The following NPHP1 variants were observed in gnomAD, a reference collection of about 807,000 sequenced individuals.
NPHP1 encodes the protein nephrocystin 1.
A neutral mutation model predicts 90.4 loss-of-function variants in NPHP1; 70 were observed. That is an observed-to-expected ratio of 0.77 (90% CI 0.64 to 0.95). NPHP1 has a LOEUF of 0.95. Ranked by LOEUF, NPHP1 falls within the 40% of genes least tolerant of loss-of-function variation. The pLI, the probability that NPHP1 is intolerant of heterozygous loss-of-function variation, is 0.00. For synonymous variants in NPHP1, 256 were observed against 271.7 expected, an observed-to-expected ratio of 0.94 and a Z score of 0.57; for missense variants, 764 against 795.9, an observed-to-expected ratio of 0.96 and a Z score of 0.48.
In NPHP1 at chr2:110,164,723, GA is replaced by G; in HGVS notation, c.735del (p.His247ThrfsTer13). ...GCTTTCTGAACAGCACTCCAGTGGG[GA>G]TCAGTTCTGGGGAGACAAAATAGCA... ...ADGAEVKQRT[D>X]PHWSAVQKAI... On this transcript the variant is annotated frameshift_variant, in exon 8 of 20. Coordinates refer to ENST00000445609, the MANE Select transcript of NPHP1 (RefSeq NM_001128178.3). LOFTEE classifies it high-confidence loss of function. The G allele has an allele frequency of 6.2e-7, 1 of 1,613,830 alleles. No homozygotes were observed. The highest frequency in any genetic ancestry group is 8.5e-7 in the Non-Finnish European group (1 of 1,179,750).
At chr2:110,135,607 A>G (rs903286523) in intron 16 of NPHP1, among the ~76,000 whole-genome samples, 1 of 151,884 alleles carries the variant, frequency 6.6e-6, no homozygotes, top group African/African-American at 2.4e-5. Context: ...ATCTTAGATC[A>G]TTCTAATATA....
chr2:110,169,664 AT>A (rs1682972201), intron 5 of NPHP1, 141 bp downstream of exon 5: 3 of 665,006 alleles, frequency 4.5e-6, no homozygotes, highest in Non-Finnish European at 5.4e-6. Flanking sequence ...CTGCTTGTAA[AT>A]TGTAATTATT....
intron 6 of NPHP1, among the ~76,000 whole-genome samples, 172 bp downstream of exon 6, chr2:110,168,280 C>T (rs188499922): frequency 1.2e-3 from 177 of 152,290 alleles, no homozygotes; most frequent in African/African-American, 4.0e-3. Context: ...TCACAGGTCC[C>T]CAGGACCATT....
intron 6 of NPHP1, among the ~76,000 whole-genome samples, chr2:110,165,774 A>T (rs896431720): frequency 1.3e-5 from 2 of 152,082 alleles, no homozygotes; most frequent in African/African-American, 4.8e-5. Context: ...AGAGTTTTTT[A>T]AATCCCTTAG....
rs1276301654 is a variant in NPHP1 at position 110,164,704 on chromosome 2, T to G, written c.755A>C (p.Gln252Pro). Residue 252 changes from glutamine (Q) to proline (P), a missense_variant, in exon 8 of 20, where the codon CAG becomes CCG. By Grantham distance (76) the Gln-to-Pro change is moderately conservative (BLOSUM62 -1). Coordinates refer to ENST00000445609, the MANE Select transcript of NPHP1 (RefSeq NM_001128178.3). Reference protein sequence around the residue: ...QRTDPHWSAVQKAISEQINTV... With the variant: ...QRTDPHWSAVPKAISEQINTV... Reference sequence around the variant, plus strand: ...GATGCCCGCCTCTGAAATCGCTTTCTGAACAGCACTCCAGTGGGGATCAGT... The same window carrying G: ...GATGCCCGCCTCTGAAATCGCTTTCGGAACAGCACTCCAGTGGGGATCAGT... The G allele has an allele frequency of 6.2e-7, 1 of 1,613,946 alleles. No homozygotes were observed. The highest frequency in any genetic ancestry group is 8.5e-7 in the Non-Finnish European group (1 of 1,179,980).
At chr2:110,199,190 T>C (rs1685392310) in intron 2 of NPHP1, among the ~76,000 whole-genome samples, 3 of 152,022 alleles carry the variant, frequency 2.0e-5, no homozygotes. Flanking sequence ...CCCAGCACTT[T>C]GGGAGGCCAT....
intron 2 of NPHP1, chr2:110,184,400 A>C: frequency 4.8e-6 from 3 of 622,604 alleles, no homozygotes; most frequent in Admixed American, 2.4e-5. Flanking sequence ...AGGCACCTTT[A>C]AACCCACAAA....
intron 16 of NPHP1, among the ~76,000 whole-genome samples, chr2:110,139,145 G>A (rs1417539315): frequency 1.3e-5 from 2 of 151,288 alleles, no homozygotes; most frequent in Non-Finnish European, 1.5e-5. Flanking sequence ...TATAATGAAA[G>A]TAAAGGAGAA....
chr2:110,156,586 T>C (rs1681907407), intron 11 of NPHP1, among the ~76,000 whole-genome samples: 1 of 151,960 alleles, frequency 6.6e-6, no homozygotes, highest in South Asian at 2.1e-4. Context: ...TCCTCTCCAG[T>C]GTCTGCCTGC....
intron 6 of NPHP1, among the ~76,000 whole-genome samples, chr2:110,166,254 C>G (rs1682719080): frequency 6.6e-6 from 1 of 152,184 alleles, no homozygotes; most frequent in South Asian, 2.1e-4. Flanking sequence ...AGGAATTTAT[C>G]TAAGGGGATA....
intron 8 of NPHP1, 197 bp downstream of exon 8, chr2:110,164,487 CAAAA>C (rs376683260): frequency 7.9e-6 from 7 of 881,766 alleles, no homozygotes; most frequent in East Asian, 5.0e-5. Context: ...TCTTTTTGTA[CAAAA>C]AAAAAAAAAA....
chr2:110,179,791 G>A (rs1424081050), intron 2 of NPHP1, 107 bp from the exon 3 acceptor site: 3 of 583,058 alleles, frequency 5.1e-6, no homozygotes, highest in Non-Finnish European at 9.2e-6. Flanking sequence ...ATTAGCCACT[G>A]TATGAACAAT....
intron 2 of NPHP1, among the ~76,000 whole-genome samples, chr2:110,187,320 A>C (rs1401728121): frequency 2.6e-5 from 4 of 152,120 alleles, no homozygotes; most frequent in Non-Finnish European, 5.9e-5. Context: ...CACAATCAGA[A>C]ATTATAAGGG....
intron 4 of NPHP1, among the ~76,000 whole-genome samples, chr2:110,173,744 G>A (rs559819900): frequency 2.0e-5 from 3 of 152,182 alleles, no homozygotes; most frequent in African/African-American, 7.2e-5. Context: ...TTTGTACAAT[G>A]ATGAAATCAC....
At chr2:110,125,707 T>G (rs923693923) in intron 18 of NPHP1, 26 bp from the exon 19 acceptor site, 1 of 1,600,948 alleles carries the variant, frequency 6.2e-7, no homozygotes. Flanking sequence ...AAATATTATG[T>G]TAGTCCAAGT....
intron 6 of NPHP1, among the ~76,000 whole-genome samples, chr2:110,166,698 C>CT (rs1242312610): frequency 6.6e-6 from 1 of 152,146 alleles, no homozygotes; most frequent in Non-Finnish European, 1.5e-5. Context: ...GAGAAATAGG[C>CT]TTCTACCTTA....
At chr2:110,198,237 A>G (rs993593762) in intron 2 of NPHP1, among the ~76,000 whole-genome samples, 1 of 152,200 alleles carries the variant, frequency 6.6e-6, no homozygotes, top group African/African-American at 2.4e-5. Flanking sequence ...GACTTGAGTC[A>G]GCAGACATAA....
At chr2:110,176,074 A>C (rs964604142) in intron 4 of NPHP1, among the ~76,000 whole-genome samples, 1 of 152,070 alleles carries the variant, frequency 6.6e-6, no homozygotes, top group African/African-American at 2.4e-5. Flanking sequence ...TTCTCTGCTT[A>C]AGATTTCGCT....
intron 16 of NPHP1, among the ~76,000 whole-genome samples, chr2:110,135,476 CAAAAAAAAAAAAAAA>C (rs66696927): frequency 1.3e-4 from 2 of 15,116 alleles, no homozygotes; most frequent in Admixed American, 7.5e-4. Context: ...GACCCCGTCT[CAAAAAAAAAAAAAAA>C]AAAAAAAAAA....
Sources: allele counts gnomAD v4.1 joint callset (sites outside exome capture counted in the v4.1 genomes callset), GRCh38; gene constraint gnomAD v4.1.1; transcripts MANE v1.5; gene names NCBI Gene and HGNC (gene_info 2026-07-23, HGNC 2026-07-21).